The following GRAMD1C variants were observed in gnomAD, a reference collection of about 807,000 sequenced individuals.
The protein encoded by GRAMD1C is protein Aster-C.
In GRAMD1C, 89 loss-of-function variants were observed where a neutral mutation model predicts 97.8. The ratio of observed to expected loss-of-function variants is 0.91; its 90% CI spans 0.77 to 1.09. The LOEUF (loss-of-function observed/expected upper bound fraction) is 1.09, where lower values mean the gene tolerates loss of function less well. Ranked by LOEUF, GRAMD1C falls within the 50% of genes least tolerant of loss-of-function variation. The pLI is 0.00. For synonymous variants in GRAMD1C, 256 were observed against 267.0 expected (o/e 0.96, Z 0.40); for missense variants, 740 against 766.4 (o/e 0.97, Z 0.41).
intron 6 of GRAMD1C, among the ~76,000 whole-genome samples, chr3:113,896,055 G>A (rs1188739613): frequency 6.6e-6 from 1 of 152,068 alleles, no homozygotes; most frequent in African/African-American, 2.4e-5. Context: ...CTTTGGCATG[G>A]CATACAAGGC....
chr3:113,901,624 C>T (rs1035148460), intron 7 of GRAMD1C, among the ~76,000 whole-genome samples: 1 of 151,826 alleles, frequency 6.6e-6, no homozygotes, highest in African/African-American at 2.4e-5. Flanking sequence ...AATACAAGGT[C>T]GATAATGGTA....
intron 10 of GRAMD1C, among the ~76,000 whole-genome samples, chr3:113,926,907 G>A (rs1450843565): frequency 6.6e-6 from 1 of 152,120 alleles, no homozygotes; most frequent in Non-Finnish European, 1.5e-5. Context: ...GGGTGGAGGT[G>A]TTCCTGGTCC....
intron 17 of GRAMD1C, among the ~76,000 whole-genome samples, chr3:113,944,772 T>C (rs1029043322): frequency 1.3e-5 from 2 of 152,182 alleles, no homozygotes; most frequent in Non-Finnish European, 2.9e-5. Flanking sequence ...CTGCCCAACA[T>C]GTGATAGGCA....
chr3:113,909,079 T>C lies in GRAMD1C; in HGVS notation c.911T>C (p.Leu304Pro). ...CTGGACTTGAATAAAAATGAATATC[T>C]TTCTCTGGACAAAAGCAGCACTTCA... ...KSLDLNKNEY[L>P]SLDKSSTSDS... Residue 304 changes from leucine (L) to proline (P), a missense_variant, in exon 9 of 18, where the codon CTT becomes CCT. Coordinates refer to ENST00000358160, the MANE Select transcript of GRAMD1C (RefSeq NM_017577.5). The C allele has an allele frequency of 6.4e-7, 1 of 1,556,518 alleles. No individual in the cohort carries two copies.
chr3:113,839,913 C>T (rs1300822585), intron 1 of GRAMD1C, among the ~76,000 whole-genome samples: 4 of 152,136 alleles, frequency 2.6e-5, no homozygotes. Flanking sequence ...CCAGAATGGA[C>T]CCCCATCCCA....
intron 5 of GRAMD1C, among the ~76,000 whole-genome samples, chr3:113,878,865 CT>C (rs1173364962): frequency 1.3e-5 from 2 of 152,100 alleles, no homozygotes; most frequent in African/African-American, 4.8e-5. Flanking sequence ...GTTTCTGACA[CT>C]TAGAATCAGG....
At chr3:113,926,993 C>T (rs538282990) in intron 10 of GRAMD1C, among the ~76,000 whole-genome samples, 2 of 152,254 alleles carry the variant, frequency 1.3e-5, no homozygotes, top group African/African-American at 4.8e-5. Context: ...CTGTGCTGCT[C>T]ATGAATGCCA....
chr3:113,844,466 C>T (rs1329464081), intron 1 of GRAMD1C, 37 bp from the exon 2 acceptor site: 3 of 1,470,130 alleles, frequency 2.0e-6, no homozygotes, highest in East Asian at 4.6e-5. Flanking sequence ...GGCCATTTCT[C>T]AATAAATAAT....
chr3:113,901,358 A>G (rs1286726162), intron 7 of GRAMD1C, among the ~76,000 whole-genome samples: 2 of 152,216 alleles, frequency 1.3e-5, no homozygotes, highest in South Asian at 2.1e-4. Context: ...AATGTTGGCT[A>G]TGTCACTTAG....
intron 14 of GRAMD1C, among the ~76,000 whole-genome samples, chr3:113,937,087 G>A (rs996416041): frequency 1.3e-5 from 2 of 152,156 alleles, no homozygotes; most frequent in Non-Finnish European, 2.9e-5. Flanking sequence ...ACGTTTGAGT[G>A]TACTGCTCTC....
intron 3 of GRAMD1C, among the ~76,000 whole-genome samples, chr3:113,873,252 C>T (rs1036440030): frequency 6.6e-6 from 1 of 151,886 alleles, no homozygotes; most frequent in African/African-American, 2.4e-5. Flanking sequence ...AGAGCAAGAC[C>T]CTGTTTCAAA....
At chr3:113,852,999 T>G (rs1044518018) in intron 2 of GRAMD1C, among the ~76,000 whole-genome samples, 1 of 152,160 alleles carries the variant, frequency 6.6e-6, no homozygotes, top group Non-Finnish European at 1.5e-5. Flanking sequence ...AGAAAGAGAT[T>G]CAATAAATAG....
chr3:113,868,021 T>C (rs932082930), intron 2 of GRAMD1C, among the ~76,000 whole-genome samples: 4 of 152,190 alleles, frequency 2.6e-5, no homozygotes, highest in African/African-American at 9.7e-5. Flanking sequence ...TACTAATGTA[T>C]CCTTAAGTTC....
chr3:113,890,537 A>G (rs527395851), intron 6 of GRAMD1C: 34 of 512,244 alleles, frequency 6.6e-5, no homozygotes, highest in East Asian at 3.4e-4. Flanking sequence ...TTTCAGATTC[A>G]TTGTCATTAC....
intron 15 of GRAMD1C, 200 bp from the exon 16 acceptor site, chr3:113,939,686 C>T: frequency 2.1e-6 from 1 of 465,184 alleles, no homozygotes; most frequent in Non-Finnish European, 3.9e-6. Flanking sequence ...TAATTACCTT[C>T]CATCTTTTCC....
At chr3:113,929,475 G>T (rs775109189) in intron 10 of GRAMD1C, among the ~76,000 whole-genome samples, 2 of 152,204 alleles carry the variant, frequency 1.3e-5, no homozygotes, top group Non-Finnish European at 1.5e-5. Context: ...CTTGTTGATA[G>T]TTGCTTCATT....
chr3:113,837,801 G>A (rs1709663093), upstream of GRAMD1C, among the ~76,000 whole-genome samples: 1 of 152,232 alleles, frequency 6.6e-6, no homozygotes, highest in African/African-American at 2.4e-5. Flanking sequence ...CCAGCTACTC[G>A]AGAGGCTGAG....
chr3:113,910,187 G>C (rs1195689380), intron 9 of GRAMD1C, among the ~76,000 whole-genome samples: 1 of 152,162 alleles, frequency 6.6e-6, no homozygotes, highest in African/African-American at 2.4e-5. Context: ...TTCAAGACCA[G>C]TCTGGTCAAC....
In GRAMD1C at chr3:113,934,430, A is replaced by G. The variant is rs779782216; in HGVS notation, c.1353-2A>G. The G allele has an allele frequency of 2.2e-6, 3 of 1,342,654 alleles. No homozygotes were observed. Among genetic ancestry groups the G allele is most frequent in the African/African-American group, 2.9e-5 (2 of 68,284 alleles). The allele number at this position is 1,342,654 out of a possible 1,614,324, so 83.2% of individuals were successfully genotyped here. ...AATATTCTTTCCTTCTTATTCTACTAGAGTTTCCACAGATTTGAAATACAG... is the reference window on the plus strand; with the variant it reads ...AATATTCTTTCCTTCTTATTCTACTGGAGTTTCCACAGATTTGAAATACAG... On this transcript the variant is annotated splice_acceptor_variant, in intron 12 of 17. Coordinates refer to ENST00000358160, the MANE Select transcript of GRAMD1C (RefSeq NM_017577.5). LOFTEE classifies it high-confidence loss of function.
Sources: allele counts gnomAD v4.1 joint callset (sites outside exome capture counted in the v4.1 genomes callset), GRCh38; gene constraint gnomAD v4.1.1; transcripts MANE v1.5; gene names NCBI Gene and HGNC (gene_info 2026-07-23, HGNC 2026-07-21).